The following CHN2 variants were observed in gnomAD, a reference collection of about 807,000 sequenced individuals.
CHN2 encodes the protein chimerin 2.
A neutral mutation model predicts 56.3 loss-of-function variants in CHN2; 35 were observed. The ratio of observed to expected loss-of-function variants is 0.62; its 90% CI spans 0.47 to 0.82. The LOEUF (loss-of-function observed/expected upper bound fraction) is 0.82, where lower values mean the gene tolerates loss of function less well. Among genes scored for constraint, CHN2 ranks in the 40% least tolerant of loss-of-function variants. The probability of loss-of-function intolerance (pLI) is 0.00; values close to 1 mark genes in which losing one functional copy is unlikely to be tolerated. For synonymous variants in CHN2, 210 were observed against 212.8 expected (o/e 0.99, Z 0.12); for missense variants, 491 against 580.5 (o/e 0.85, Z 1.58).
At chr7:29,493,591 T>C (rs1274278232) in intron 7 of CHN2, among the ~76,000 whole-genome samples, 1 of 152,088 alleles carries the variant, frequency 6.6e-6, no homozygotes, top group South Asian at 2.1e-4. Context: ...AGAGTGTCTT[T>C]CCCATCTCAG....
chr7:29,501,395 G>A (rs1789953141), intron 9 of CHN2, among the ~76,000 whole-genome samples: 1 of 152,164 alleles, frequency 6.6e-6, no homozygotes, highest in African/African-American at 2.4e-5. Flanking sequence ...CTGGATGAGT[G>A]GTTGGGACAA....
intron 1 of CHN2, among the ~76,000 whole-genome samples, chr7:29,215,077 A>G (rs1241937905): frequency 6.6e-6 from 1 of 152,222 alleles, no homozygotes; most frequent in Non-Finnish European, 1.5e-5. Flanking sequence ...AAATGGAGAC[A>G]TGAACTTCAC....
Position 29,512,785 on chromosome 7 carries a change from A to ATTGGATGT in CHN2, c.*50_*51insTTGGATGT. ...GCCCCAGCACCATCCAAGTTGACAC[A>ATTGGATGT]GCTAAAGGAATAAAAACATTTCTTA... On this transcript the variant is annotated 3_prime_UTR_variant, in exon 13 of 13. Transcript: ENST00000222792. The ATTGGATGT allele has an allele frequency of 6.4e-7, 1 of 1,552,166 alleles. No homozygotes were observed. Among genetic ancestry groups the ATTGGATGT allele is most frequent in the African/African-American group, 1.4e-5 (1 of 72,302 alleles).
chr7:29,347,909 T>A (rs1340795605), intron 1 of CHN2, among the ~76,000 whole-genome samples: 1 of 152,234 alleles, frequency 6.6e-6, no homozygotes, highest in Non-Finnish European at 1.5e-5. Context: ...GAACAGTATG[T>A]ATGGTATGAA....
At chr7:29,479,381 C>G (rs1449786722) in intron 6 of CHN2, among the ~76,000 whole-genome samples, 1 of 152,100 alleles carries the variant, frequency 6.6e-6, no homozygotes, top group Non-Finnish European at 1.5e-5. Flanking sequence ...CAGGAGAGAC[C>G]GGGGAGTGTC....
chr7:29,394,307 G>A (rs60903523), intron 4 of CHN2, among the ~76,000 whole-genome samples: 2 of 152,064 alleles, frequency 1.3e-5, no homozygotes, highest in Admixed American at 6.5e-5. Context: ...AAAATAATTC[G>A]CAGTCTAAGC....
chr7:29,482,890 C>A (rs1787476660), intron 7 of CHN2, among the ~76,000 whole-genome samples: 2 of 130,586 alleles, frequency 1.5e-5, no homozygotes, highest in African/African-American at 5.8e-5. Context: ...GGCGCGATCT[C>A]GGCTCACTGC....
At chr7:29,148,950 A>G (rs1793168765) in intron 2 of CHN2, among the ~76,000 whole-genome samples, 1 of 152,052 alleles carries the variant, frequency 6.6e-6, no homozygotes, top group African/African-American at 2.4e-5. Context: ...ACATTAAAAA[A>G]TGAATAGCCA....
intron 1 of CHN2, among the ~76,000 whole-genome samples, chr7:29,321,398 G>T (rs1041584206): frequency 2.6e-5 from 4 of 152,032 alleles, no homozygotes; most frequent in African/African-American, 9.7e-5. Context: ...TCTGAAGGAG[G>T]ATATACCTCT....
intron 6 of CHN2, among the ~76,000 whole-genome samples, chr7:29,426,823 G>A (rs1433252705): frequency 1.3e-5 from 2 of 152,162 alleles, no homozygotes; most frequent in Non-Finnish European, 1.5e-5. Context: ...ATTTCCTTGA[G>A]TTTGTAGATA....
intron 2 of CHN2, among the ~76,000 whole-genome samples, chr7:29,363,723 A>T (rs1798917085): frequency 6.6e-6 from 1 of 152,220 alleles, no homozygotes; most frequent in African/African-American, 2.4e-5. Flanking sequence ...GATAGGGTGG[A>T]ATTTTATACA....
intron 1 of CHN2, among the ~76,000 whole-genome samples, chr7:29,255,038 G>A (rs1158608873): frequency 6.6e-6 from 1 of 152,064 alleles, no homozygotes; most frequent in Non-Finnish European, 1.5e-5. Flanking sequence ...GAAGACCAGG[G>A]GAACACAGGA....
intron 3 of CHN2, among the ~76,000 whole-genome samples, chr7:29,386,877 T>G (rs1800953815): frequency 6.6e-6 from 1 of 152,206 alleles, no homozygotes; most frequent in Non-Finnish European, 1.5e-5. Flanking sequence ...GATTTTAAGG[T>G]CTCGAGTCCT....
chr7:29,232,102 G>T (rs1307792281), intron 1 of CHN2, among the ~76,000 whole-genome samples: 4 of 152,130 alleles, frequency 2.6e-5, no homozygotes, highest in Non-Finnish European at 5.9e-5. Flanking sequence ...CTGGGCTATG[G>T]TTGAGAAAGG....
At chr7:29,177,027 A>AG (rs1178264295) in intron 2 of CHN2, among the ~76,000 whole-genome samples, 1 of 151,992 alleles carries the variant, frequency 6.6e-6, no homozygotes, top group Non-Finnish European at 1.5e-5. Flanking sequence ...CAAGAAAGAG[A>AG]GGGGAAAAAA....
chr7:29,169,229 G>A (rs1351304092), intron 2 of CHN2, among the ~76,000 whole-genome samples: 8 of 152,064 alleles, frequency 5.3e-5, no homozygotes, highest in Non-Finnish European at 8.8e-5. Flanking sequence ...GTTGTACTAC[G>A]AATAAATGCA....
rs535648014 is a variant in CHN2, at chr7:29,345,366, G to A, written c.50-9259G>A. On this transcript the variant is annotated intron_variant, in intron 1 of 12. Coordinates refer to ENST00000222792, the MANE Select transcript of CHN2 (RefSeq NM_004067.4). Reference sequence around the variant, plus strand: ...AGCAAAACGTTTCGGATGGTGAAAAGGCTCTACAGAGAATTGAAGAGAGTA... The same window carrying A: ...AGCAAAACGTTTCGGATGGTGAAAAAGCTCTACAGAGAATTGAAGAGAGTA... Among the ~76,000 whole-genome samples, 10 of 152,268 alleles carry A rather than the reference G, an allele frequency of 6.6e-5. No individual in the cohort carries two copies. The South Asian group carries it at 2.1e-3, about 32-fold the overall frequency.
At chr7:29,220,387 A>C (rs1785699248) in intron 1 of CHN2, among the ~76,000 whole-genome samples, 1 of 151,982 alleles carries the variant, frequency 6.6e-6, no homozygotes, top group Non-Finnish European at 1.5e-5. Context: ...TTTTTTTGAC[A>C]AGATTAATAT....
At chr7:29,271,462 T>G (rs1790635276) in intron 1 of CHN2, among the ~76,000 whole-genome samples, 2 of 152,232 alleles carry the variant, frequency 1.3e-5, no homozygotes, top group Admixed American at 1.3e-4. Context: ...TCAGACGCCC[T>G]CTGGGCTGGG....
Sources: gnomAD v4.1 joint callset for allele counts (sites outside exome capture counted in the v4.1 genomes callset) on GRCh38, gnomAD v4.1.1 for gene constraint, MANE v1.5 for transcripts, NCBI Gene and HGNC (gene_info 2026-07-23, HGNC 2026-07-21) for gene names.